Variants in COL4A3 observed in about 807,000 individuals in gnomAD.
COL4A3 encodes collagen type IV alpha 3 chain.
COL4A3 carries 135 observed loss-of-function variants against 217.4 expected under a neutral mutation model. The ratio of observed to expected loss-of-function variants is 0.62; its 90% confidence interval spans 0.54 to 0.72. The LOEUF is 0.72. Ranked by LOEUF, COL4A3 falls within the 30% of genes least tolerant of loss-of-function variation. COL4A3 has a pLI of 0.00. For synonymous variants in COL4A3, 690 were observed against 736.3 expected (o/e 0.94, Z 1.02); for missense variants, 1,868 against 2,119.9 (o/e 0.88, Z 2.33).
intron 1 of COL4A3, among the ~76,000 whole-genome samples, chr2:227,194,623 TA>T (rs2066398889): frequency 6.6e-6 from 1 of 151,898 alleles, no homozygotes; most frequent in African/African-American, 2.4e-5. Flanking sequence ...ACATTCTTAA[TA>T]AAATAAAGAA....
intron 1 of COL4A3, among the ~76,000 whole-genome samples, chr2:227,237,067 G>A (rs1300941438): frequency 6.6e-6 from 1 of 152,182 alleles, no homozygotes; most frequent in Non-Finnish European, 1.5e-5. Context: ...AATGTGCATA[G>A]GTGTGAGGGC....
At chr2:227,272,295 G>T (rs1198115313) in intron 25 of COL4A3, among the ~76,000 whole-genome samples, 2 of 152,148 alleles carry the variant, frequency 1.3e-5, no homozygotes, top group South Asian at 4.1e-4. Context: ...AATCAAGGTG[G>T]TGATTTGTTG....
Position 227,269,802 on chromosome 2 carries a change from T to C in COL4A3, c.1505-108T>C, listed in dbSNP as rs2071129651. The C allele has an allele frequency of 8.8e-6, 8 of 907,220 alleles. No homozygotes were observed. The Admixed American group carries it at 1.6e-4, about 18-fold the overall frequency. The allele number at this position is 907,220 out of a possible 1,614,324, so 56.2% of individuals were successfully genotyped here. A position where few individuals can be genotyped will look rare whatever the true frequency, so the allele number is the denominator to read the frequency against. ...TTTATGTTTTATGATAGAAGTTGTC[T>C]TTCTTTCCCCACAAGGAAACACTCT... On this transcript the variant is annotated intron_variant, in intron 23 of 51. Transcript: ENST00000396578.
At position 227,272,962 on chromosome 2, in the gene COL4A3, A is replaced by G. The variant is rs757982551; in HGVS notation, c.1772A>G (p.Glu591Gly). Residue 591 changes from glutamate to glycine, a missense_variant, in exon 26 of 52, where the codon GAG becomes GGG. Physicochemically the swap from Glu to Gly is moderately conservative, Grantham distance 98. Coordinates refer to ENST00000396578, the MANE Select transcript of COL4A3 (RefSeq NM_000091.5). ...GPKGELALSG[E>G]KGDQGPPGDP... ...CTGTTGTCACAGGCTCTGAGTGGTG[A>G]GAAAGGGGACCAAGGTCCTCCAGGG... The G allele has an allele frequency of 8.1e-6, 13 of 1,614,012 alleles. No homozygotes were observed. In the South Asian group the frequency reaches 1.4e-4, roughly 18 times the overall value.
At chr2:227,280,257 T>G (rs1301197064) in intron 29 of COL4A3, among the ~76,000 whole-genome samples, 183 bp from the exon 30 acceptor site, 1 of 152,196 alleles carries the variant, frequency 6.6e-6, no homozygotes, top group Non-Finnish European at 1.5e-5. Context: ...AAGTGGAGGC[T>G]ACATATCCTG....
At chr2:227,221,448 G>A (rs934352544) in intron 1 of COL4A3, 12 of 46,362 alleles carry the variant, frequency 2.6e-4, no homozygotes, top group Non-Finnish European at 5.9e-4. Context: ...TTTTTTTTTC[G>A]CATTCATCCT....
rs369945847 is a variant in COL4A3 at position 227,248,455 on chromosome 2, A to G, written c.481A>G (p.Lys161Glu). 2 of 1,610,724 alleles carry G rather than the reference A, an allele frequency of 1.2e-6. No individual in the cohort carries two copies. Among genetic ancestry groups the G allele is most frequent in the African/African-American group, 2.7e-5 (2 of 74,964 alleles). Residue 161 changes from lysine to glutamate, a missense_variant, in exon 9 of 52, where the codon AAA becomes GAA. Around this residue, in one of 2 missense-constraint regions of COL4A3, gnomAD observed 365 missense variants for 333.8 expected, o/e 1.09. Coordinates refer to ENST00000396578, the MANE Select transcript of COL4A3 (RefSeq NM_000091.5). ...GLKGQKGAPAKEEDIELDAKG... is the reference protein window; with the variant it reads ...GLKGQKGAPAEEEDIELDAKG... ...CTTCATTTTCAAGGGTGCTCCTGCT[A>G]AAGAAGAAGATATAGAACTTGATGC... is the stretch of plus-strand genomic sequence containing the variant.
At position 227,281,117 on chromosome 2, in the gene COL4A3, G is replaced by A. The variant is rs6733386; in HGVS notation, c.2488+111G>A. 20,885 of 753,366 alleles carry A rather than the reference G, an allele frequency of 0.028. 1,293 individuals carry two copies. The highest frequency in any genetic ancestry group is 0.17 in the African/African-American group (9,806 of 57,896). The allele number at this position is 753,366 out of a possible 1,614,324, so 46.7% of individuals were successfully genotyped here. On this transcript the variant is annotated intron_variant, in intron 31 of 51. Transcript: ENST00000396578. ...TGTCCAGCCACAAGTCCTGACCACTGTTCAATGAGAAATACTTCAGAAGTG... is the reference window on the plus strand; with the variant it reads ...TGTCCAGCCACAAGTCCTGACCACTATTCAATGAGAAATACTTCAGAAGTG...
Position 227,222,157 on chromosome 2 carries a change from AATAATAATG to A in COL4A3, c.88-15805_88-15797del, listed in dbSNP as rs769053259. On this transcript the variant is annotated intron_variant, in intron 1 of 51. Coordinates refer to ENST00000396578, the MANE Select transcript of COL4A3 (RefSeq NM_000091.5). ...TAATAATAATAATAATAATAATAATAATAATAATGATAATGATAATAAAAAGCTCCTTAA... is the reference window on the plus strand; with the variant it reads ...TAATAATAATAATAATAATAATAATAATAATGATAATAAAAAGCTCCTTAA... Among the ~76,000 whole-genome samples, 221 of 99,736 alleles carry A rather than the reference AATAATAATG, an allele frequency of 2.2e-3. 1 individual carries two copies. Among genetic ancestry groups the A allele is most frequent in the African/African-American group, 5.3e-3 (164 of 30,890 alleles). 65.4% of individuals were successfully genotyped at this position (99,736 alleles called of 152,430 possible). A position where few individuals can be genotyped will look rare whatever the true frequency, so the allele number is the denominator to read the frequency against.
At chr2:227,303,352 A>G (rs1034173996) in intron 44 of COL4A3, among the ~76,000 whole-genome samples, 1 of 152,174 alleles carries the variant, frequency 6.6e-6, no homozygotes. Flanking sequence ...TTGGAAGAGA[A>G]GTCTTACCAC....
intron 1 of COL4A3, among the ~76,000 whole-genome samples, chr2:227,235,904 G>C (rs1461909033): frequency 6.6e-6 from 1 of 151,010 alleles, no homozygotes; most frequent in Non-Finnish European, 1.5e-5. Flanking sequence ...TTCCCGAGTA[G>C]CTGAGATTAC....
At chr2:227,224,063 G>C (rs930144143) in intron 1 of COL4A3, among the ~76,000 whole-genome samples, 16 of 152,202 alleles carry the variant, frequency 1.1e-4, no homozygotes, top group Admixed American at 9.2e-4. Flanking sequence ...TCTGTGCTCT[G>C]AAGTTTGCAC....
At chr2:227,167,984 C>A (rs111474290) in intron 1 of COL4A3, among the ~76,000 whole-genome samples, 4,602 of 152,224 alleles carry the variant, frequency 0.03, 125 homozygotes, top group Non-Finnish European at 0.044. Flanking sequence ...TTACACGTAT[C>A]TATTGGAGCT....
intron 16 of COL4A3, 71 bp from the exon 17 acceptor site, chr2:227,256,272 T>C: frequency 2.1e-6 from 3 of 1,407,894 alleles, no homozygotes; most frequent in Non-Finnish European, 2.0e-6. Context: ...GGAGTTCAAA[T>C]TGCACCTGCT....
intron 21 of COL4A3, 22 bp downstream of exon 21, chr2:227,263,966 C>T: frequency 6.2e-7 from 1 of 1,614,056 alleles, no homozygotes; most frequent in South Asian, 1.1e-5. Flanking sequence ...GAAGGGGACC[C>T]CTTTTGTGCA....
intron 42 of COL4A3, 132 bp from the exon 43 acceptor site, chr2:227,298,550 C>T: frequency 7.6e-7 from 1 of 1,316,622 alleles, no homozygotes; most frequent in Non-Finnish European, 1.1e-6. Flanking sequence ...AATCCCATCA[C>T]ATGCTCCAGG....
intron 36 of COL4A3, among the ~76,000 whole-genome samples, 193 bp from the exon 37 acceptor site, chr2:227,290,554 T>C (rs2106209293): frequency 6.6e-6 from 1 of 151,998 alleles, no homozygotes; most frequent in East Asian, 1.9e-4. Flanking sequence ...AAATACACAG[T>C]GTGCAACCAG....
chr2:227,223,215 G>A (rs185436406), intron 1 of COL4A3, among the ~76,000 whole-genome samples: 20 of 152,278 alleles, frequency 1.3e-4, no homozygotes, highest in Non-Finnish European at 2.4e-4. Context: ...CCTGCTCACT[G>A]AGGATGGGAT....
intron 26 of COL4A3, 62 bp from the exon 27 acceptor site, chr2:227,276,323 C>T (rs1286994837): frequency 1.2e-5 from 14 of 1,199,626 alleles, no homozygotes; most frequent in South Asian, 1.2e-5. Flanking sequence ...TCGTATTTTC[C>T]GCTATCGTCT....
Sources: gnomAD v4.1 joint callset for allele counts (sites outside exome capture counted in the v4.1 genomes callset) on GRCh38, gnomAD v4.1.1 for gene constraint, gnomAD v4.1.1 regional missense constraint, MANE v1.5 for transcripts, NCBI Gene and HGNC (gene_info 2026-07-23, HGNC 2026-07-21) for gene names.